The following KAZN variants were observed in gnomAD, a reference collection of about 807,000 sequenced individuals.
The protein encoded by KAZN is kazrin.
A neutral mutation model predicts 87.4 loss-of-function variants in KAZN; 40 were observed. That is an observed-to-expected ratio of 0.46 (90% CI 0.36 to 0.60). KAZN has a LOEUF of 0.60. Among genes scored for constraint, KAZN ranks in the 20% least tolerant of loss-of-function variants. The pLI, the probability that KAZN is intolerant of heterozygous loss-of-function variation, is 0.00. For synonymous variants in KAZN, 466 were observed against 458.3 expected (o/e 1.02, Z -0.22); for missense variants, 898 against 1,073.9 (o/e 0.84, Z 2.29).
At chr1:14,461,289 A>G (rs1667836917) in intron 2 of KAZN, among the ~76,000 whole-genome samples, 1 of 151,880 alleles carries the variant, frequency 6.6e-6, no homozygotes, top group Non-Finnish European at 1.5e-5. Context: ...TAATTCCCTC[A>G]TGTTGTAGGA....
At chr1:14,841,265 C>T (rs557108310) in intron 1 of KAZN, among the ~76,000 whole-genome samples, 33 of 151,774 alleles carry the variant, frequency 2.2e-4, no homozygotes, top group African/African-American at 4.6e-4. Flanking sequence ...GTTAGCCAGG[C>T]GTGGTGGTGG....
intron 2 of KAZN, among the ~76,000 whole-genome samples, chr1:14,998,694 G>A (rs147509565): frequency 0.011 from 1,694 of 152,194 alleles, 28 homozygotes; most frequent in African/African-American, 0.038. Flanking sequence ...GATTACAGGC[G>A]TGCACCACCA....
intron 1 of KAZN, among the ~76,000 whole-genome samples, chr1:14,703,561 T>C (rs1185331049): frequency 2.6e-5 from 4 of 152,244 alleles, no homozygotes; most frequent in Admixed American, 1.3e-4. Context: ...ATTAAATCTT[T>C]TTCTTTTATA....
intron 1 of KAZN, among the ~76,000 whole-genome samples, chr1:13,905,570 G>A (rs1433173752): frequency 6.6e-6 from 1 of 152,160 alleles, no homozygotes; most frequent in Non-Finnish European, 1.5e-5. Context: ...CTGATGTCGA[G>A]CCCTCTAAGA....
chr1:14,940,141 T>A (rs1660887601), intron 1 of KAZN, among the ~76,000 whole-genome samples: 2 of 152,082 alleles, frequency 1.3e-5, no homozygotes, highest in Non-Finnish European at 2.9e-5. Context: ...GGGTACTTGG[T>A]ATAGAGAGCT....
In KAZN at chr1:14,192,927, C is replaced by G. The variant is rs112129946; in HGVS notation, c.249+12335C>G. Among the ~76,000 whole-genome samples, 592 of 152,216 alleles carry G rather than the reference C, an allele frequency of 3.9e-3. 3 individuals carry two copies. Among genetic ancestry groups the G allele is most frequent in the African/African-American group, 0.013 (557 of 41,540 alleles). On this transcript the variant is annotated intron_variant, in intron 2 of 16. Transcript: ENST00000636203. ...TAAGGCCATTAGAGTGGGTGCTAAT[C>G]CATTATGACTGATGTGATATGGTTA... is the stretch of plus-strand genomic sequence containing the variant.
chr1:14,503,364 G>C (rs1169591212), intron 2 of KAZN, among the ~76,000 whole-genome samples: 2 of 150,880 alleles, frequency 1.3e-5, no homozygotes, highest in African/African-American at 2.4e-5. Context: ...GGTGCCTGTG[G>C]TCCCAGCTAC....
intron 1 of KAZN, among the ~76,000 whole-genome samples, chr1:14,684,903 AT>A (rs1640866485): frequency 6.6e-6 from 1 of 152,096 alleles, no homozygotes; most frequent in Non-Finnish European, 1.5e-5. Context: ...CATATTTGTA[AT>A]TTCTGGGGAT....
chr1:14,435,825 G>T (rs1287001449), intron 2 of KAZN, among the ~76,000 whole-genome samples: 1 of 151,538 alleles, frequency 6.6e-6, no homozygotes, highest in Non-Finnish European at 1.5e-5. Flanking sequence ...AGGGCCTAAT[G>T]ATATCTTAGA....
intron 1 of KAZN, among the ~76,000 whole-genome samples, chr1:13,968,179 A>G (rs921645387): frequency 3.3e-5 from 5 of 152,194 alleles, no homozygotes; most frequent in African/African-American, 1.2e-4. Context: ...GGCAGCCAGA[A>G]GGTGCAATCC....
At chr1:14,117,499 G>A (rs1175570007) in intron 1 of KAZN, among the ~76,000 whole-genome samples, 1 of 152,028 alleles carries the variant, frequency 6.6e-6, no homozygotes, top group East Asian at 1.9e-4. Context: ...TTTTCTTCCT[G>A]GTCTCAAGTA....
chr1:13,989,971 C>A (rs1210798336), intron 1 of KAZN, among the ~76,000 whole-genome samples: 1 of 152,174 alleles, frequency 6.6e-6, no homozygotes, highest in African/African-American at 2.4e-5. Flanking sequence ...TGAGACTTTT[C>A]CCTTGCAGGA....
chr1:14,812,400 T>A (rs1290280210), intron 1 of KAZN, among the ~76,000 whole-genome samples: 1 of 152,154 alleles, frequency 6.6e-6, no homozygotes, highest in Non-Finnish European at 1.5e-5. Flanking sequence ...CTTCAACTCG[T>A]CTTCAGTGGA....
intron 1 of KAZN, among the ~76,000 whole-genome samples, chr1:14,808,277 A>G (rs1646286364): frequency 6.8e-6 from 1 of 146,110 alleles, no homozygotes; most frequent in South Asian, 2.2e-4. Context: ...ATTGTTCCAG[A>G]TTAAAGAGGT....
At chr1:14,002,755 G>A (rs1345896422) in intron 1 of KAZN, among the ~76,000 whole-genome samples, 2 of 152,152 alleles carry the variant, frequency 1.3e-5, no homozygotes, top group East Asian at 3.9e-4. Flanking sequence ...CGCTGTTGGT[G>A]GGAATGTAAA....
At chr1:13,938,826 C>G (rs1640834818) in intron 1 of KAZN, among the ~76,000 whole-genome samples, 1 of 152,228 alleles carries the variant, frequency 6.6e-6, no homozygotes, top group Non-Finnish European at 1.5e-5. Flanking sequence ...AGGCTTAACA[C>G]CATGTGGAAG....
chr1:14,166,887 C>A (rs947637607), intron 1 of KAZN, among the ~76,000 whole-genome samples: 1 of 152,174 alleles, frequency 6.6e-6, no homozygotes, highest in African/African-American at 2.4e-5. Context: ...TCATTCTCCT[C>A]CAGGTACAAT....
intron 2 of KAZN, among the ~76,000 whole-genome samples, chr1:14,225,843 A>G (rs542809407): frequency 6.6e-6 from 1 of 152,244 alleles, no homozygotes; most frequent in African/African-American, 2.4e-5. Context: ...GCATTTCACC[A>G]TATGCAAAAT....
At chr1:14,304,328 G>A (rs948897118) in intron 2 of KAZN, among the ~76,000 whole-genome samples, 1 of 152,190 alleles carries the variant, frequency 6.6e-6, no homozygotes, top group African/African-American at 2.4e-5. Flanking sequence ...AAAGGGAAGG[G>A]TTTTAAGCTC....
Sources: allele counts gnomAD v4.1 joint callset (sites outside exome capture counted in the v4.1 genomes callset), GRCh38; gene constraint gnomAD v4.1.1; transcripts MANE v1.5; gene names NCBI Gene and HGNC (gene_info 2026-07-23, HGNC 2026-07-21).